Variants in ZNF831 observed in about 807,000 individuals in gnomAD.
The protein encoded by ZNF831 is zinc finger protein 831.
Under a neutral mutation model 95.8 loss-of-function variants are expected in ZNF831, and 59 were observed. The observed-to-expected ratio is 0.62, with a 90% CI of 0.50 to 0.77. The LOEUF is 0.77. ZNF831 is among the 30% of genes least tolerant of loss of function. The probability of loss-of-function intolerance (pLI) is 0.00; values close to 1 mark genes in which losing one functional copy is unlikely to be tolerated. For missense variants in ZNF831, 2,205 were observed against 2,164.0 expected (o/e 1.02, Z -0.38); for synonymous variants, 961 against 925.5 (o/e 1.04, Z -0.70).
At chr20:59,148,061 T>C (rs759372787) in intron 2 of ZNF831, among the ~76,000 whole-genome samples, 3 of 152,256 alleles carry the variant, frequency 2.0e-5, no homozygotes, top group Non-Finnish European at 4.4e-5. Flanking sequence ...ACGTCCCTTA[T>C]ACTCTCTGAA....
intron 3 of ZNF831, among the ~76,000 whole-genome samples, chr20:59,205,252 C>T (rs1601396004): frequency 6.6e-6 from 1 of 152,200 alleles, no homozygotes; most frequent in East Asian, 1.9e-4. Flanking sequence ...TGTCTCTGCA[C>T]TTTGAAATCT....
chr20:59,167,373 C>T (rs529159824), intron 1 of ZNF831, among the ~76,000 whole-genome samples: 1 of 151,538 alleles, frequency 6.6e-6, no homozygotes, highest in Non-Finnish European at 1.5e-5. Flanking sequence ...AATACTTTCT[C>T]CAGATCTGTA....
At chr20:59,218,477 G>A (rs1371432468) in intron 4 of ZNF831, among the ~76,000 whole-genome samples, 1 of 152,144 alleles carries the variant, frequency 6.6e-6, no homozygotes, top group African/African-American at 2.4e-5. Context: ...ACAGAACAGA[G>A]AGAATTGCTT....
intron 2 of ZNF831, among the ~76,000 whole-genome samples, chr20:59,157,113 A>G (rs879748195): frequency 6.6e-6 from 1 of 152,118 alleles, no homozygotes; most frequent in Non-Finnish European, 1.5e-5. Flanking sequence ...TAAATGTGCT[A>G]TAAATTATTG....
intron 2 of ZNF831, among the ~76,000 whole-genome samples, chr20:59,147,757 A>G (rs1427808117): frequency 1.3e-5 from 2 of 152,226 alleles, no homozygotes; most frequent in African/African-American, 2.4e-5. Context: ...AACTAATGAT[A>G]TGACTGGGGT....
At chr20:59,224,117 C>T (rs1366673128) in intron 4 of ZNF831, among the ~76,000 whole-genome samples, 1 of 152,228 alleles carries the variant, frequency 6.6e-6, no homozygotes, top group Non-Finnish European at 1.5e-5. Flanking sequence ...TGAGTACCCT[C>T]GCACCAGGAG....
chr20:59,169,438 A>G lies in ZNF831; in HGVS notation c.-37+5231A>G, dbSNP rs73618642. On this transcript the variant is annotated intron_variant, in intron 1 of 5. Transcript: ENST00000371030. This position sits in a 1 kb window ranked among gnomAD's most constrained non-coding sequence, Gnocchi z 4.1. The stretch of plus-strand genomic sequence containing the variant: ...ACATTGATAGTTTGTGTCTTCTCTC[A>G]TTTGTCCTTTGTCAGTTTTTGTAGA... Among the ~76,000 whole-genome samples, 1 of 152,040 alleles carries G rather than the reference A, an allele frequency of 6.6e-6. No homozygotes were observed. Among genetic ancestry groups the G allele is most frequent in the East Asian group, 1.9e-4 (1 of 5,190 alleles).
rs140352050 is a variant in ZNF831 at position 59,204,323 on chromosome 20, A to G, written c.3876-2582A>G. Among the ~76,000 whole-genome samples, 717 of 152,328 alleles carry G rather than the reference A, an allele frequency of 4.7e-3. 3 individuals are homozygous for G. The highest frequency in any genetic ancestry group is 0.017 in the African/African-American group (693 of 41,578). Reference sequence around the variant, plus strand: ...ATGAGATAGCACTCTCAGTAATGAGAGCACAATCTCTGCAGTGAGGTAAAG... The same window carrying G: ...ATGAGATAGCACTCTCAGTAATGAGGGCACAATCTCTGCAGTGAGGTAAAG... On this transcript the variant is annotated intron_variant, in intron 3 of 5. Coordinates refer to ENST00000371030, the MANE Select transcript of ZNF831 (RefSeq NM_178457.3).
intron 1 of ZNF831, among the ~76,000 whole-genome samples, chr20:59,142,084 C>CGAGA (rs769388554): frequency 6.6e-6 from 1 of 152,158 alleles, no homozygotes; most frequent in Admixed American, 6.5e-5. Flanking sequence ...ATGTATTGAC[C>CGAGA]GAGAGGGCAA....
At chr20:59,150,696 C>T (rs1253394094) in intron 2 of ZNF831, among the ~76,000 whole-genome samples, 1 of 152,166 alleles carries the variant, frequency 6.6e-6, no homozygotes, top group East Asian at 1.9e-4. Context: ...CAGTACTCCG[C>T]GCCAGCACAC....
chr20:59,184,105 T>C (rs148175000), intron 1 of ZNF831, among the ~76,000 whole-genome samples: 68 of 152,232 alleles, frequency 4.5e-4, no homozygotes, highest in Non-Finnish European at 8.8e-4. Flanking sequence ...CAGAAGGTCA[T>C]ACAGTTGGAA....
Position 59,192,812 on chromosome 20 carries a change from G to T in ZNF831, c.1793G>T (p.Gly598Val). The change falls in exon 2 of 6, where the codon GGC becomes GTC. Residue 598 changes from glycine to valine, a missense_variant. Coordinates refer to ENST00000371030, the MANE Select transcript of ZNF831 (RefSeq NM_178457.3). This position sits in a 1 kb window ranked among gnomAD's most constrained non-coding sequence, Gnocchi z 5.2. ...ACTGCTGCGCGGGAGGCCATGGCCG[G>T]CAAGGGCAGAGCGGGCGGCAGGAAG... is the stretch of plus-strand genomic sequence containing the variant. ...KRTAAREAMA[G>V]KGRAGGRKCG... The T allele has an allele frequency of 1.2e-6, 2 of 1,611,246 alleles. No individual in the cohort carries two copies. The highest frequency in any genetic ancestry group is 1.7e-6 in the Non-Finnish European group (2 of 1,179,102).
chr20:59,166,441 A>G (rs948061078), intron 1 of ZNF831, among the ~76,000 whole-genome samples: 1 of 152,168 alleles, frequency 6.6e-6, no homozygotes, highest in South Asian at 2.1e-4. Flanking sequence ...TGTGTTTTTT[A>G]CCCAGTTTCC....
chr20:59,179,581 C>T (rs1982445645), intron 1 of ZNF831, among the ~76,000 whole-genome samples: 1 of 152,140 alleles, frequency 6.6e-6, no homozygotes, highest in South Asian at 2.1e-4. Flanking sequence ...TTCCTGGCCT[C>T]TTTCAGTTCC....
chr20:59,204,836 T>C (rs913933825), intron 3 of ZNF831, among the ~76,000 whole-genome samples: 3 of 152,134 alleles, frequency 2.0e-5, no homozygotes, highest in Non-Finnish European at 4.4e-5. Context: ...TTGCAAAACC[T>C]TCCTAAGCCA....
chr20:59,123,750 C>T (rs1248235941), intron 1 of ZNF831, among the ~76,000 whole-genome samples: 1 of 152,146 alleles, frequency 6.6e-6, no homozygotes, highest in Admixed American at 6.5e-5. Flanking sequence ...CATTAATTCC[C>T]AGGAGCATGG....
At chr20:59,157,098 AT>A (rs1980584619) in intron 2 of ZNF831, among the ~76,000 whole-genome samples, 1 of 152,066 alleles carries the variant, frequency 6.6e-6, no homozygotes, top group Non-Finnish European at 1.5e-5. Flanking sequence ...TACTCTTTTA[AT>A]TTTTAAATGT....
At chr20:59,166,362 T>C (rs1207032506) in intron 1 of ZNF831, among the ~76,000 whole-genome samples, 1 of 152,170 alleles carries the variant, frequency 6.6e-6, no homozygotes, top group African/African-American at 2.4e-5. Context: ...TTTCATAAAT[T>C]AGCCTCTTTG....
intron 1 of ZNF831, among the ~76,000 whole-genome samples, chr20:59,189,802 T>C (rs951096346): frequency 7.2e-5 from 11 of 152,126 alleles, no homozygotes; most frequent in African/African-American, 2.7e-4. Context: ...TGAGCCACCA[T>C]GTCCAGCTGT....
Sources: gnomAD v4.1 joint callset for allele counts (sites outside exome capture counted in the v4.1 genomes callset) on GRCh38, gnomAD v4.1.1 for gene constraint, Gnocchi (gnomAD v3.1) non-coding constraint, MANE v1.5 for transcripts, NCBI Gene and HGNC (gene_info 2026-07-23, HGNC 2026-07-21) for gene names.